Variants in CNTNAP2 observed in about 807,000 individuals in gnomAD.
The protein encoded by CNTNAP2 is contactin-associated protein-like 2.
Under a neutral mutation model 155.2 loss-of-function variants are expected in CNTNAP2, and 98 were observed. The ratio of observed to expected loss-of-function variants is 0.63; its 90% CI spans 0.54 to 0.75. CNTNAP2 has a LOEUF of 0.75. Among genes scored for constraint, CNTNAP2 ranks in the 30% least tolerant of loss-of-function variants. The pLI is 0.00. For synonymous variants in CNTNAP2, 651 were observed against 631.2 expected, an observed-to-expected ratio of 1.03 and a Z score of -0.47; for missense variants, 1,727 against 1,688.1, an observed-to-expected ratio of 1.02 and a Z score of -0.40.
intron 13 of CNTNAP2, among the ~76,000 whole-genome samples, chr7:147,835,439 C>T (rs1050401012): frequency 3.3e-5 from 5 of 152,150 alleles, no homozygotes; most frequent in Non-Finnish European, 4.4e-5. Flanking sequence ...GTGGCCAAGC[C>T]AGGCTGAGTC....
chr7:147,854,623 C>T lies in CNTNAP2; in HGVS notation c.2099-48942C>T, dbSNP rs189895050. On this transcript the variant is annotated intron_variant, in intron 13 of 23. Transcript: ENST00000361727. ...ATAGTGCAGTCTAGCCCTGCATCAT[C>T]CAGCACAGTGGTTCCTAGCCACATG... is the stretch of plus-strand genomic sequence containing the variant. Among the ~76,000 whole-genome samples, 6 of 152,322 alleles carry T rather than the reference C, an allele frequency of 3.9e-5. No individual in the cohort carries two copies. In the East Asian group the frequency reaches 1.2e-3, roughly 29 times the overall value.
At chr7:146,480,980 C>T (rs1796952778) in intron 1 of CNTNAP2, among the ~76,000 whole-genome samples, 1 of 151,336 alleles carries the variant, frequency 6.6e-6, no homozygotes, top group Non-Finnish European at 1.5e-5. Context: ...GCGCCCGGCC[C>T]CCAGAACCTG....
chr7:147,009,433 C>T (rs1489528946), intron 3 of CNTNAP2, among the ~76,000 whole-genome samples: 2 of 152,120 alleles, frequency 1.3e-5, no homozygotes, highest in Non-Finnish European at 2.9e-5. Flanking sequence ...CAGTTTTCAT[C>T]CAGACTTAGT....
chr7:146,721,729 C>T lies in CNTNAP2; in HGVS notation c.98-52542C>T, dbSNP rs1304074314. ...ATACATTCTATATATATTCTAAATA[C>T]ATTATATATTCTATATATATATTCT... On this transcript the variant is annotated intron_variant, in intron 1 of 23. Transcript: ENST00000361727. 1.9e-4 allele frequency among the ~76,000 whole-genome samples: 24 copies of T among 124,194 alleles called. 1 individual carries two copies. The East Asian group carries it at 5.1e-3, about 26-fold the overall frequency. 81.5% of individuals were successfully genotyped at this position (124,194 alleles called of 152,430 possible). A position where few individuals can be genotyped will look rare whatever the true frequency, so the allele number is the denominator to read the frequency against.
chr7:147,970,958 T>A (rs10500194), intron 14 of CNTNAP2, among the ~76,000 whole-genome samples: 19,689 of 152,206 alleles, frequency 0.13, 2,013 homozygotes, highest in African/African-American at 0.29. Context: ...TTAATGAATG[T>A]CTATATAGAG....
At chr7:148,332,458 C>A (rs909759606) in intron 21 of CNTNAP2, among the ~76,000 whole-genome samples, 4 of 152,070 alleles carry the variant, frequency 2.6e-5, no homozygotes, top group African/African-American at 9.7e-5. Context: ...GGGCAGGGGC[C>A]TCCAGCGTTT....
chr7:147,477,605 C>A (rs991757442), intron 10 of CNTNAP2, among the ~76,000 whole-genome samples: 3 of 152,266 alleles, frequency 2.0e-5, no homozygotes, highest in Admixed American at 2.0e-4. Context: ...TCAGTGCTTT[C>A]CATGCCTAGT....
At chr7:147,287,154 A>G (rs1805198447) in intron 8 of CNTNAP2, among the ~76,000 whole-genome samples, 1 of 152,126 alleles carries the variant, frequency 6.6e-6, no homozygotes, top group African/African-American at 2.4e-5. Context: ...TTATATAGCC[A>G]AAGAATAGAG....
chr7:147,849,830 T>G (rs12154900), intron 13 of CNTNAP2: 5,832 of 152,296 alleles, frequency 0.038, 175 homozygotes, highest in Middle Eastern at 0.061. Flanking sequence ...TGTTAGGCAT[T>G]GGAATGGATG....
intron 3 of CNTNAP2, among the ~76,000 whole-genome samples, chr7:146,880,933 G>C (rs1795537208): frequency 6.6e-6 from 1 of 152,122 alleles, no homozygotes; most frequent in Admixed American, 6.6e-5. Context: ...CTTTGTGTTT[G>C]CATAATAAAC....
At chr7:147,771,098 A>C (rs1184847499) in intron 13 of CNTNAP2, among the ~76,000 whole-genome samples, 1 of 152,216 alleles carries the variant, frequency 6.6e-6, no homozygotes, top group Non-Finnish European at 1.5e-5. Flanking sequence ...GAGTAGCTAC[A>C]GTAAAAATAA....
intron 7 of CNTNAP2, among the ~76,000 whole-genome samples, chr7:147,131,967 T>G (rs946425836): frequency 3.3e-5 from 5 of 152,054 alleles, no homozygotes. Context: ...CAACTCATGG[T>G]CAGCCTATCA....
chr7:146,228,292 A>C (rs1799328845), intron 1 of CNTNAP2, among the ~76,000 whole-genome samples: 1 of 152,186 alleles, frequency 6.6e-6, no homozygotes, highest in South Asian at 2.1e-4. Context: ...TTAGTAGTAA[A>C]CACTTTCACT....
intron 14 of CNTNAP2, among the ~76,000 whole-genome samples, chr7:147,934,799 A>G (rs759605238): frequency 7.2e-5 from 11 of 152,222 alleles, no homozygotes; most frequent in Non-Finnish European, 1.5e-4. Context: ...CAGAGATCCA[A>G]AAATGAAAAA....
At chr7:147,712,197 T>C (rs150200216) in intron 13 of CNTNAP2, among the ~76,000 whole-genome samples, 2,509 of 152,252 alleles carry the variant, frequency 0.016, 224 homozygotes, top group Admixed American at 0.15. Context: ...CACAATGAGA[T>C]ACCATCTCAC....
At chr7:147,296,269 A>G (rs1269445315) in intron 8 of CNTNAP2, among the ~76,000 whole-genome samples, 3 of 152,198 alleles carry the variant, frequency 2.0e-5, no homozygotes, top group African/African-American at 7.2e-5. Context: ...ATGCAGTCCT[A>G]TAGTTAATCA....
intron 3 of CNTNAP2, among the ~76,000 whole-genome samples, chr7:146,993,753 T>A (rs1189347452): frequency 6.6e-6 from 1 of 152,192 alleles, no homozygotes; most frequent in Admixed American, 6.5e-5. Context: ...ACAGCTTTTT[T>A]AATACCTTAT....
chr7:146,711,027 C>T (rs1160064996), intron 1 of CNTNAP2, among the ~76,000 whole-genome samples: 1 of 151,718 alleles, frequency 6.6e-6, no homozygotes, highest in Admixed American at 6.6e-5. Context: ...CCTTGCTCAA[C>T]CTCTTGGCTC....
At chr7:146,666,167 C>T (rs1800191450) in intron 1 of CNTNAP2, among the ~76,000 whole-genome samples, 1 of 152,026 alleles carries the variant, frequency 6.6e-6, no homozygotes, top group African/African-American at 2.4e-5. Flanking sequence ...CCTTTCCAGC[C>T]TCTAGTGTCT....
Sources: gnomAD v4.1 joint callset for allele counts (sites outside exome capture counted in the v4.1 genomes callset) on GRCh38, gnomAD v4.1.1 for gene constraint, MANE v1.5 for transcripts, NCBI Gene and HGNC (gene_info 2026-07-23, HGNC 2026-07-21) for gene names.